The following NSD1 variants were observed in gnomAD, a reference collection of about 807,000 sequenced individuals.
The protein encoded by NSD1 is histone-lysine N-methyltransferase, H3 lysine-36 specific.
NSD1 carries 26 observed loss-of-function variants against 242.7 expected under a neutral mutation model. The observed-to-expected ratio is 0.11, with a 90% confidence interval of 0.08 to 0.15. The LOEUF is 0.15. NSD1 is among the 10% of genes least tolerant of loss of function. The probability of loss-of-function intolerance (pLI) is 1.00; values close to 1 mark genes in which losing one functional copy is unlikely to be tolerated. For synonymous variants in NSD1, 1,106 were observed against 1,178.1 expected (o/e 0.94, Z 1.25); for missense variants, 2,495 against 3,272.8 (o/e 0.76, Z 5.80).
intron 2 of NSD1, chr5:177,136,329 TAA>T (rs1176817397): frequency 6.0e-3 from 1,051 of 174,982 alleles, no homozygotes; most frequent in South Asian, 0.016. Context: ...CATATATGAT[TAA>T]AAAAAAAAAA....
intron 9 of NSD1, among the ~76,000 whole-genome samples, chr5:177,245,024 C>T (rs1034894455): frequency 6.6e-6 from 1 of 152,062 alleles, no homozygotes; most frequent in Non-Finnish European, 1.5e-5. Context: ...AGACCAGGCT[C>T]GGCACTTAGT....
rs1336702518 is a variant in NSD1 at position 177,295,432 on chromosome 5, C to G, written c.8064C>G (p.His2688Gln). The change falls in exon 23 of 23, where the codon CAC becomes CAG. Residue 2688 changes from histidine (H) to glutamine (Q), a missense_variant. This residue lies in a region of NSD1 where 475 missense variants were observed against 563.7 expected (regional missense o/e 0.84). Transcript: ENST00000439151. This position sits in a 1 kb window ranked among gnomAD's most constrained non-coding sequence, Gnocchi z 4.3. ...LPALNQAPSS[H>Q]KCAESEQK is the part of the protein sequence containing the mutation. ...CTCTTAACCAGGCTCCTTCCAGTCACAAGTGTGCAGAATCAGAACAGAAGT... is the reference window on the plus strand; with the variant it reads ...CTCTTAACCAGGCTCCTTCCAGTCAGAAGTGTGCAGAATCAGAACAGAAGT... 6.2e-7 allele frequency: 1 copy of G among 1,614,148 alleles called. No individual in the cohort carries two copies. Among genetic ancestry groups the G allele is most frequent in the South Asian group, 1.1e-5 (1 of 91,088 alleles).
At chr5:177,171,449 A>G (rs1313364293) in intron 2 of NSD1, among the ~76,000 whole-genome samples, 1 of 152,184 alleles carries the variant, frequency 6.6e-6, no homozygotes, top group Non-Finnish European at 1.5e-5. Flanking sequence ...TATAATATGT[A>G]GACTTTTGTT....
rs759407010 is a variant in NSD1, at chr5:177,257,142, G to T, written c.4957G>T (p.Ala1653Ser). ...TGCTGCTAATCCAGCCAATGTTTCT[G>T]CATCTAAAGGTATGGATTTCTTATG... ...CHAANPANVS[A>S]SKGRLMRCVR... Residue 1653 changes from alanine (A) to serine (S), a missense_variant, in exon 13 of 23, where the codon GCA becomes TCA. This residue lies in a region of NSD1 where 32 missense variants were observed against 46.9 expected (regional missense o/e 0.68). Transcript: ENST00000439151. 4 of 1,613,300 alleles carry T rather than the reference G, an allele frequency of 2.5e-6. No homozygotes were observed. The highest frequency in any genetic ancestry group is 2.5e-6 in the Non-Finnish European group (3 of 1,179,680).
At chr5:177,220,590 A>C (rs1171050595) in intron 5 of NSD1, among the ~76,000 whole-genome samples, 1 of 120,122 alleles carries the variant, frequency 8.3e-6, no homozygotes. Flanking sequence ...TTTTTTTTGA[A>C]ACAGAGGCTT....
At chr5:177,229,236 G>GTA (rs1264706246) in intron 5 of NSD1, among the ~76,000 whole-genome samples, 2 of 152,098 alleles carry the variant, frequency 1.3e-5, no homozygotes, top group African/African-American at 4.8e-5. Context: ...AGTTGGTAGT[G>GTA]TATACTCTGA....
chr5:177,279,726 C>T (rs986053303), intron 17 of NSD1, among the ~76,000 whole-genome samples: 13 of 141,166 alleles, frequency 9.2e-5, no homozygotes, highest in African/African-American at 2.6e-4. Flanking sequence ...ACACCATTCT[C>T]CTGCCTCAGC....
intron 2 of NSD1, among the ~76,000 whole-genome samples, chr5:177,160,749 T>C (rs1339715223): frequency 6.6e-6 from 1 of 152,168 alleles, no homozygotes; most frequent in Non-Finnish European, 1.5e-5. Context: ...AGTTGCCTAC[T>C]ATGTCCCAGG....
In NSD1 at chr5:177,201,468, T is replaced by C. The variant is rs1290341875; in HGVS notation, c.1064-2652T>C. On this transcript the variant is annotated intron_variant, in intron 3 of 22. Coordinates refer to ENST00000439151, the MANE Select transcript of NSD1 (RefSeq NM_022455.5). ...TCCCTTTTCTTCTAGTTTATGATAG[T>C]GTTTAGAACTACTTGTAGTTTTGTT... 1.3e-5 allele frequency among the ~76,000 whole-genome samples: 2 copies of C among 152,278 alleles called. 1 individual carries two copies. The highest frequency in any genetic ancestry group is 4.8e-5 in the African/African-American group (2 of 41,566).
At chr5:177,155,085 G>T (rs1758019762) in intron 2 of NSD1, among the ~76,000 whole-genome samples, 1 of 151,528 alleles carries the variant, frequency 6.6e-6, no homozygotes, top group Non-Finnish European at 1.5e-5. Context: ...GTACCTCCTG[G>T]GTTCAAGTGA....
At chr5:177,265,045 C>T (rs1206352557) in intron 14 of NSD1, 2 of 761,186 alleles carry the variant, frequency 2.6e-6, no homozygotes, top group African/African-American at 3.4e-5. Context: ...ATATTGAGCA[C>T]ATTAAGCACT....
At chr5:177,150,942 AT>A (rs1757650688) in intron 2 of NSD1, among the ~76,000 whole-genome samples, 1 of 152,254 alleles carries the variant, frequency 6.6e-6, no homozygotes, top group Admixed American at 6.5e-5. Context: ...CTTTTTAAAA[AT>A]ATGATTGTAA....
chr5:177,268,448 C>T (rs978511209), intron 15 of NSD1, among the ~76,000 whole-genome samples: 4 of 151,590 alleles, frequency 2.6e-5, no homozygotes, highest in Admixed American at 2.6e-4. Flanking sequence ...ACGTTGTGCA[C>T]ATGTACCCTA....
rs1763180633 is a variant in NSD1, at chr5:177,209,724, G to A, written c.1325G>A (p.Cys442Tyr). Residue 442 changes from cysteine (C) to tyrosine (Y), a missense_variant, in exon 5 of 23, where the codon TGT becomes TAT. Coordinates refer to ENST00000439151, the MANE Select transcript of NSD1 (RefSeq NM_022455.5). ...CCCAAGGGGTCAAAGAACCGAAAAT[G>A]TATTCCTGGTTCAATCAAGTTGGAC... Reference protein sequence around the residue: ...DVPKGSKNRKCIPGSIKLDSE... With the variant: ...DVPKGSKNRKYIPGSIKLDSE... 4.3e-6 allele frequency: 7 copies of A among 1,614,020 alleles called. No homozygotes were observed. Among genetic ancestry groups the A allele is most frequent in the East Asian group, 2.2e-5 (1 of 44,874 alleles).
At position 177,295,099 on chromosome 5, in the gene NSD1, G is replaced by A. The variant is rs1760161231; in HGVS notation, c.7731G>A (p.Val2577=). Residue 2577 remains valine (V), a synonymous_variant, in exon 23 of 23, where the codon GTG becomes GTA. Coordinates refer to ENST00000439151, the MANE Select transcript of NSD1 (RefSeq NM_022455.5). The surrounding 1 kb of genome is among the most constrained non-coding windows in gnomAD (Gnocchi z 4.3). ...PGPLSQSPGL[V]KQAKQMVGGQ... Reference sequence around the variant, plus strand: ...CTCTTAGCCAATCCCCGGGCCTGGTGAAGCAGGCGAAGCAGATGGTCGGAG... The same window carrying A: ...CTCTTAGCCAATCCCCGGGCCTGGTAAAGCAGGCGAAGCAGATGGTCGGAG... 1.9e-6 allele frequency: 3 copies of A among 1,611,614 alleles called. No individual in the cohort carries two copies. The highest frequency in any genetic ancestry group is 2.2e-5 in the South Asian group (2 of 90,926).
At chr5:177,245,689 A>T (rs1264443109) in intron 9 of NSD1, among the ~76,000 whole-genome samples, 1 of 145,832 alleles carries the variant, frequency 6.9e-6, no homozygotes, top group African/African-American at 2.6e-5. Flanking sequence ...AGGCTGGAGT[A>T]CAGTGGCACA....
At chr5:177,160,473 T>C (rs979342072) in intron 2 of NSD1, among the ~76,000 whole-genome samples, 4 of 151,394 alleles carry the variant, frequency 2.6e-5, no homozygotes, top group Non-Finnish European at 4.4e-5. Context: ...GCTGATTTTT[T>C]TGTATTTTTA....
intron 2 of NSD1, among the ~76,000 whole-genome samples, chr5:177,168,462 T>C (rs536094880): frequency 6.6e-6 from 1 of 150,832 alleles, no homozygotes; most frequent in South Asian, 2.1e-4. Context: ...TTTTTTTTTT[T>C]TTTTTCTTTT....
In NSD1 at chr5:177,298,298, G is replaced by T. The variant is rs1015380671; in HGVS notation, c.*2839G>T. 2 of 233,164 alleles carry T rather than the reference G, an allele frequency of 8.6e-6. No individual in the cohort carries two copies. Among genetic ancestry groups the T allele is most frequent in the Non-Finnish European group, 1.7e-5 (2 of 118,052 alleles). 14.4% of individuals were successfully genotyped at this position (233,164 alleles called of 1,614,324 possible). On this transcript the variant is annotated 3_prime_UTR_variant, in exon 23 of 23. Transcript: ENST00000439151. ...ATTTGGGTATGTGCTTGGAAATTGA[G>T]ATCTCAAGAGTGTTTGCCTTGGAGC...
Sources: allele counts gnomAD v4.1 joint callset (sites outside exome capture counted in the v4.1 genomes callset), GRCh38; gene constraint gnomAD v4.1.1; regional missense constraint gnomAD v4.1.1; non-coding constraint Gnocchi (gnomAD v3.1); transcripts MANE v1.5; gene names NCBI Gene and HGNC (gene_info 2026-07-23, HGNC 2026-07-21).